The following CPQ variants were observed in gnomAD, a reference collection of about 807,000 sequenced individuals.
CPQ encodes Ser-Met dipeptidase.
A neutral mutation model predicts 45.7 loss-of-function variants in CPQ; 37 were observed. That is an observed-to-expected ratio of 0.81 (90% CI 0.62 to 1.07). CPQ has a LOEUF of 1.07. Among genes scored for constraint, CPQ ranks in the 50% least tolerant of loss-of-function variants. The pLI is 0.00. For missense variants in CPQ, 537 were observed against 572.9 expected, an observed-to-expected ratio of 0.94 and a Z score of 0.64; for synonymous variants, 186 against 205.8, an observed-to-expected ratio of 0.90 and a Z score of 0.82.
chr8:97,086,326 G>A (rs189183252), intron 7 of CPQ, among the ~76,000 whole-genome samples: 3 of 152,096 alleles, frequency 2.0e-5, no homozygotes, highest in African/African-American at 7.2e-5. Context: ...AAGACCATAA[G>A]GTGCCAAATA....
intron 1 of CPQ, among the ~76,000 whole-genome samples, chr8:96,710,198 G>A (rs992315078): frequency 4.0e-5 from 6 of 149,102 alleles, no homozygotes; most frequent in South Asian, 2.1e-4. Context: ...TAGTAGTCTC[G>A]AAATTTTTTT....
At chr8:97,021,960 G>C (rs1338903728) in intron 5 of CPQ, among the ~76,000 whole-genome samples, 1 of 152,002 alleles carries the variant, frequency 6.6e-6, no homozygotes, top group African/African-American at 2.4e-5. Flanking sequence ...ATCTGGAGGT[G>C]TCACATTACC....
At chr8:96,909,032 C>A (rs1393803769) in intron 4 of CPQ, among the ~76,000 whole-genome samples, 2 of 152,070 alleles carry the variant, frequency 1.3e-5, no homozygotes, top group Non-Finnish European at 2.9e-5. Flanking sequence ...CTTGTGATGG[C>A]AATTTATAAT....
chr8:96,964,283 A>C (rs1813518173), intron 4 of CPQ, among the ~76,000 whole-genome samples: 1 of 151,852 alleles, frequency 6.6e-6, no homozygotes, highest in African/African-American at 2.4e-5. Flanking sequence ...TTCAGATTTA[A>C]TAGATAAGCC....
intron 6 of CPQ, among the ~76,000 whole-genome samples, chr8:97,033,103 G>A (rs555236022): frequency 8.6e-4 from 131 of 151,940 alleles, no homozygotes; most frequent in African/African-American, 2.9e-3. Flanking sequence ...ATGGAGTCTC[G>A]AGGTCTGCCT....
At chr8:96,645,856 TTCG>T (rs1815513083) in intron 1 of CPQ, among the ~76,000 whole-genome samples, 7 of 151,598 alleles carry the variant, frequency 4.6e-5, no homozygotes, top group Admixed American at 3.9e-4. Context: ...ACCGTGTACT[TTCG>T]CTTTTGATGC....
intron 7 of CPQ, among the ~76,000 whole-genome samples, chr8:97,088,885 T>TAGCTC (rs1265516685): frequency 2.0e-5 from 3 of 152,170 alleles, no homozygotes; most frequent in Admixed American, 1.3e-4. Context: ...GCCTGTAGCT[T>TAGCTC]AGCTCTAAAA....
chr8:96,722,697 A>G (rs1423886815), intron 1 of CPQ, among the ~76,000 whole-genome samples: 1 of 152,142 alleles, frequency 6.6e-6, no homozygotes, highest in African/African-American at 2.4e-5. Flanking sequence ...TTAACACAAC[A>G]CAGATTTATT....
At chr8:96,847,007 G>A (rs1563511903) in intron 3 of CPQ, among the ~76,000 whole-genome samples, 1 of 152,118 alleles carries the variant, frequency 6.6e-6, no homozygotes, top group South Asian at 2.1e-4. Flanking sequence ...TTAGATTCAC[G>A]TTAAATATAT....
At chr8:96,679,829 C>G (rs1336552126) in intron 1 of CPQ, among the ~76,000 whole-genome samples, 3 of 151,264 alleles carry the variant, frequency 2.0e-5, no homozygotes, top group African/African-American at 7.3e-5. Context: ...GTTACTATAG[C>G]TAGCAGTTTG....
intron 7 of CPQ, among the ~76,000 whole-genome samples, chr8:97,075,620 G>A (rs1810833805): frequency 6.6e-6 from 1 of 152,118 alleles, no homozygotes; most frequent in Admixed American, 6.6e-5. Context: ...TGAAAAGCCA[G>A]TGGAGTATAA....
At chr8:96,779,135 G>A (rs1810653328) in intron 1 of CPQ, among the ~76,000 whole-genome samples, 1 of 151,612 alleles carries the variant, frequency 6.6e-6, no homozygotes, top group Non-Finnish European at 1.5e-5. Context: ...TCTGACTTAG[G>A]CAATGTTATT....
At chr8:97,073,062 G>T (rs955029064) in intron 7 of CPQ, among the ~76,000 whole-genome samples, 1 of 152,168 alleles carries the variant, frequency 6.6e-6, no homozygotes, top group Non-Finnish European at 1.5e-5. Context: ...CACTCATTGA[G>T]CTGTCCTCTT....
intron 5 of CPQ, among the ~76,000 whole-genome samples, chr8:96,980,341 C>A (rs866067438): frequency 1.3e-5 from 2 of 152,128 alleles, no homozygotes; most frequent in Admixed American, 1.3e-4. Context: ...CCCTGTTGGC[C>A]AGGCTGGTCT....
chr8:96,830,447 G>A (rs953146415), intron 2 of CPQ, among the ~76,000 whole-genome samples: 1 of 152,028 alleles, frequency 6.6e-6, no homozygotes, highest in African/African-American at 2.4e-5. Flanking sequence ...TGTGCTAGGA[G>A]ACCACAGTAG....
At chr8:96,904,000 G>A (rs1195526660) in intron 4 of CPQ, among the ~76,000 whole-genome samples, 2 of 152,094 alleles carry the variant, frequency 1.3e-5, no homozygotes, top group African/African-American at 2.4e-5. Context: ...AAATACCACA[G>A]GCCTCCAGCT....
chr8:96,843,372 G>A (rs776424229), intron 3 of CPQ, among the ~76,000 whole-genome samples: 9 of 151,978 alleles, frequency 5.9e-5, no homozygotes, highest in Non-Finnish European at 1.2e-4. Context: ...AGGGATTGAG[G>A]GAAGGAAGAA....
intron 5 of CPQ, among the ~76,000 whole-genome samples, chr8:96,995,669 T>TA (rs746954715): frequency 6.1e-4 from 90 of 146,632 alleles, no homozygotes; most frequent in Middle Eastern, 3.5e-3. Context: ...TTTTTTTTTT[T>TA]AAAAAAAAAA....
intron 2 of CPQ, among the ~76,000 whole-genome samples, chr8:96,803,442 C>G (rs1377010888): frequency 6.6e-6 from 1 of 152,064 alleles, no homozygotes; most frequent in Non-Finnish European, 1.5e-5. Context: ...CTATTAATAC[C>G]TTTTGTATAT....
Sources: allele counts gnomAD v4.1 joint callset (sites outside exome capture counted in the v4.1 genomes callset), GRCh38; gene constraint gnomAD v4.1.1; transcripts MANE v1.5; gene names NCBI Gene and HGNC (gene_info 2026-07-23, HGNC 2026-07-21).